The following FRK variants were observed in gnomAD, a reference collection of about 807,000 sequenced individuals.
FRK encodes the protein fyn related Src family tyrosine kinase, also known as tyrosine-protein kinase FRK.
In FRK, 51 loss-of-function variants were observed where a neutral mutation model predicts 56.4. That is an observed-to-expected ratio of 0.90 (90% CI 0.72 to 1.14). The LOEUF (loss-of-function observed/expected upper bound fraction) is 1.14. Ranked by LOEUF, FRK falls within the 50% of genes most tolerant of loss-of-function variation. The probability of loss-of-function intolerance (pLI) is 0.00; values close to 1 mark genes in which losing one functional copy is unlikely to be tolerated. For synonymous variants in FRK, 245 were observed against 217.9 expected, an observed-to-expected ratio of 1.12 and a Z score of -1.10; for missense variants, 570 against 601.4, an observed-to-expected ratio of 0.95 and a Z score of 0.55.
rs546045239 is a variant in FRK, at chr6:115,985,338, C to G, written c.467-16599G>C. Among the ~76,000 whole-genome samples, 342 of 152,130 alleles carry G rather than the reference C, an allele frequency of 2.2e-3. 2 individuals carry two copies. The highest frequency in any genetic ancestry group is 7.9e-3 in the African/African-American group (329 of 41,498). On this transcript the variant is annotated intron_variant, in intron 2 of 7. Transcript: ENST00000606080. ...TCCTTTCAGGGACTAAGATATAAGA[C>G]AAGGATAGAGACAGCGGTGAGGGCA...
intron 2 of FRK, among the ~76,000 whole-genome samples, chr6:115,969,558 A>G (rs530894090): frequency 6.6e-6 from 1 of 152,330 alleles, no homozygotes; most frequent in South Asian, 2.1e-4. Context: ...TGTGGTCCAG[A>G]GGGACCTGGT....
chr6:115,955,290 G>T (rs1772940256), intron 5 of FRK, among the ~76,000 whole-genome samples: 1 of 152,106 alleles, frequency 6.6e-6, no homozygotes, highest in East Asian at 1.9e-4. Flanking sequence ...TCCAGGAAAA[G>T]AAAGCATCTA....
At chr6:116,074,021 T>C in the FRK span, among the ~76,000 whole-genome samples, 2 of 152,160 alleles carry the variant, frequency 1.3e-5, no homozygotes, top group African/African-American at 4.8e-5. Context: ...TACCCCTGCA[T>C]GATCAGCAAA....
intron 6 of FRK, among the ~76,000 whole-genome samples, chr6:115,943,439 C>T (rs1011499312): frequency 1.4e-5 from 2 of 139,940 alleles, no homozygotes; most frequent in Admixed American, 7.4e-5. Flanking sequence ...CATTCTACTA[C>T]ATTTGGAGAA....
intron 4 of FRK, among the ~76,000 whole-genome samples, chr6:115,958,347 C>T (rs1773097048): frequency 6.6e-6 from 1 of 151,598 alleles, no homozygotes; most frequent in Admixed American, 6.6e-5. Context: ...GAAAATTAGG[C>T]TGGGCATGGT....
chr6:115,991,599 T>C (rs535343640), intron 2 of FRK, among the ~76,000 whole-genome samples: 1 of 151,902 alleles, frequency 6.6e-6, no homozygotes, highest in Admixed American at 6.6e-5. Flanking sequence ...TGAATCATCC[T>C]CCATTTATTC....
chr6:116,089,289 C>T, the FRK span, among the ~76,000 whole-genome samples: 4 of 152,164 alleles, frequency 2.6e-5, no homozygotes, highest in African/African-American at 4.8e-5. Context: ...AAATTTCCCC[C>T]CACTCAGAAA....
chr6:115,947,698 G>T (rs1225665081), intron 5 of FRK, among the ~76,000 whole-genome samples: 3 of 152,028 alleles, frequency 2.0e-5, no homozygotes, highest in Admixed American at 6.6e-5. Flanking sequence ...CAAAAAAAAA[G>T]TCTATTGTTT....
intron 2 of FRK, among the ~76,000 whole-genome samples, chr6:115,982,849 A>G (rs1276889033): frequency 6.6e-6 from 1 of 152,084 alleles, no homozygotes; most frequent in African/African-American, 2.4e-5. Context: ...AAGCGGGTGG[A>G]TCACTTGAGG....
Position 115,935,898 on chromosome 6 carries a change from G to A in FRK, c.*6516C>T, listed in dbSNP as rs543505523. On this transcript the variant is annotated 3_prime_UTR_variant, in exon 8 of 8. Coordinates refer to ENST00000606080, the MANE Select transcript of FRK (RefSeq NM_002031.3). ...TGGGACAGAGCACCTGTGGGAAGGG[G>A]TGGATATGGGAGCAGCTTCAGCAGA... 6.6e-6 allele frequency: 1 copy of A among 152,402 alleles called. No individual in the cohort carries two copies. The highest frequency in any genetic ancestry group is 2.4e-5 in the African/African-American group (1 of 41,466). 9.4% of individuals were successfully genotyped at this position (152,402 alleles called of 1,614,324 possible).
the FRK span, among the ~76,000 whole-genome samples, chr6:116,080,646 TTTCC>T: frequency 2.6e-5 from 4 of 152,066 alleles, no homozygotes; most frequent in African/African-American, 7.2e-5. Flanking sequence ...ATATGAAAAC[TTTCC>T]ACACGTTAGA....
At chr6:116,019,609 A>G (rs1341538853) in intron 1 of FRK, among the ~76,000 whole-genome samples, 2 of 152,230 alleles carry the variant, frequency 1.3e-5, no homozygotes, top group Non-Finnish European at 2.9e-5. Flanking sequence ...AGTCAGAGCA[A>G]GTGCTTCAAA....
chr6:116,039,278 C>T, intron 1 of FRK: 2 of 1,476,912 alleles, frequency 1.4e-6, no homozygotes, highest in Admixed American at 1.7e-5. Flanking sequence ...AGCAAGACTG[C>T]AACACCCCAG....
intron 1 of FRK, among the ~76,000 whole-genome samples, chr6:116,004,976 G>A (rs998277016): frequency 2.0e-5 from 3 of 151,846 alleles, no homozygotes; most frequent in Non-Finnish European, 2.9e-5. Flanking sequence ...CAGGCTTAAG[G>A]GAAGAAATAC....
the FRK span, among the ~76,000 whole-genome samples, chr6:116,099,620 A>C: frequency 1.3e-5 from 2 of 152,208 alleles, no homozygotes; most frequent in Admixed American, 1.3e-4. Flanking sequence ...GGGGCTTTTA[A>C]GTGTTATAAT....
At chr6:115,978,643 GCATA>G (rs1264110472) in intron 2 of FRK, among the ~76,000 whole-genome samples, 81 of 152,254 alleles carry the variant, frequency 5.3e-4, no homozygotes, top group Non-Finnish European at 8.7e-4. Flanking sequence ...ACAACAGCCT[GCATA>G]AATGATGGTG....
chr6:116,002,201 G>A (rs1340344468), intron 2 of FRK, among the ~76,000 whole-genome samples: 1 of 152,160 alleles, frequency 6.6e-6, no homozygotes, highest in African/African-American at 2.4e-5. Context: ...ATATCACTTG[G>A]ATATACAGAT....
At chr6:116,080,023 G>T in the FRK span, among the ~76,000 whole-genome samples, 1 of 152,186 alleles carries the variant, frequency 6.6e-6, no homozygotes, top group East Asian at 1.9e-4. Context: ...TTGACTATCC[G>T]TTAAAAATAG....
chr6:116,065,270 T>C (rs1562313905), upstream of FRK, among the ~76,000 whole-genome samples: 1 of 152,286 alleles, frequency 6.6e-6, no homozygotes, highest in East Asian at 1.9e-4. Context: ...GCCTCAGCAC[T>C]AGGGCTTAGA....
Sources: allele counts gnomAD v4.1 joint callset (sites outside exome capture counted in the v4.1 genomes callset), GRCh38; gene constraint gnomAD v4.1.1; transcripts MANE v1.5; gene names NCBI Gene and HGNC (gene_info 2026-07-23, HGNC 2026-07-21).